MAP2K3: variants seen among roughly 807,000 people sequenced by gnomAD.
MAP2K3 encodes the protein dual specificity mitogen-activated protein kinase kinase 3.
In MAP2K3, 30 loss-of-function variants were observed where a neutral mutation model predicts 46.4. The ratio of observed to expected loss-of-function variants is 0.65; its 90% CI spans 0.48 to 0.88. The LOEUF is 0.88. Ranked by LOEUF, MAP2K3 falls within the 40% of genes least tolerant of loss-of-function variation. The pLI is 0.00. For synonymous variants in MAP2K3, 189 were observed against 176.3 expected, an observed-to-expected ratio of 1.07 and a Z score of -0.57; for missense variants, 380 against 464.5, an observed-to-expected ratio of 0.82 and a Z score of 1.67.
At chr17:21,291,679 C>A (rs904103401) in intron 1 of MAP2K3, 4 of 431,240 alleles carry the variant, frequency 9.3e-6, no homozygotes, top group South Asian at 4.9e-5. Context: ...AGAGTCCCAC[C>A]GATCTGACCC....
intron 1 of MAP2K3, chr17:21,295,561 T>C (rs1288653513): frequency 8.0e-7 from 1 of 1,249,966 alleles, no homozygotes. Context: ...TGCAGCAGCC[T>C]GAGGCCTGTT....
rs868509087 is a variant in MAP2K3, at chr17:21,314,416, G to T, written c.*186G>T. On this transcript the variant is annotated 3_prime_UTR_variant, in exon 12 of 12. Coordinates refer to ENST00000342679, the MANE Select transcript of MAP2K3 (RefSeq NM_145109.3). Reference sequence around the variant, plus strand: ...CCAAGTGCCAAAGAAGCAGACCATTGGGGCTCCCAGCCAGGCCCTTGTCGG... The same window carrying T: ...CCAAGTGCCAAAGAAGCAGACCATTTGGGCTCCCAGCCAGGCCCTTGTCGG... 1.7e-6 allele frequency: 1 copy of T among 606,040 alleles called. No individual in the cohort carries two copies. The highest frequency in any genetic ancestry group is 1.9e-5 in the South Asian group (1 of 52,676). 37.5% of individuals were successfully genotyped at this position (606,040 alleles called of 1,614,324 possible). A position where few individuals can be genotyped will look rare whatever the true frequency, so the allele number is the denominator to read the frequency against.
chr17:21,295,034 C>A (rs1976161065), intron 1 of MAP2K3, among the ~76,000 whole-genome samples: 1 of 152,310 alleles, frequency 6.6e-6, no homozygotes, highest in Non-Finnish European at 1.5e-5. Flanking sequence ...GAGAGCCGGT[C>A]ACTGGGGCCT....
chr17:21,302,037 C>A, intron 5 of MAP2K3, 106 bp from the exon 6 acceptor site: 1 of 953,464 alleles, frequency 1.0e-6, no homozygotes, highest in Non-Finnish European at 1.6e-6. Context: ...GGTGGGCACA[C>A]GTCGGAGAGG....
chr17:21,287,187 A>T (rs1975746093), intron 1 of MAP2K3, among the ~76,000 whole-genome samples: 1 of 152,200 alleles, frequency 6.6e-6, no homozygotes, highest in African/African-American at 2.4e-5. Context: ...TGCTCAGAGC[A>T]TGTGCAGTGG....
intron 6 of MAP2K3, 35 bp downstream of exon 6, chr17:21,302,294 G>C (rs2305871): frequency 0.18 from 271,401 of 1,517,226 alleles, 4,226 homozygotes; most frequent in South Asian, 0.24. Context: ...GGGGGTCCTA[G>C]GTGCATAGGC....
chr17:21,303,315 A>G, intron 7 of MAP2K3, 81 bp downstream of exon 7: 1 of 1,591,958 alleles, frequency 6.3e-7, no homozygotes, highest in East Asian at 2.3e-5. Flanking sequence ...TCTCCCTATG[A>G]GCAACTGTGG....
rs887708300 is a variant in MAP2K3 at position 21,315,091 on chromosome 17, G to A, written c.*861G>A. ...TCTCCCTGAGGACTGGCTTGACAGG[G>A]GCTATGGGTTTGCTTTGGTGTTGTT... On this transcript the variant is annotated 3_prime_UTR_variant, in exon 12 of 12. Coordinates refer to ENST00000342679, the MANE Select transcript of MAP2K3 (RefSeq NM_145109.3). 8 of 152,470 alleles carry A rather than the reference G, an allele frequency of 5.2e-5. No homozygotes were observed. Among genetic ancestry groups the A allele is most frequent in the African/African-American group, 1.7e-4 (7 of 41,406 alleles). The allele number at this position is 152,470 out of a possible 1,614,324, so 9.4% of individuals were successfully genotyped here.
In MAP2K3 at chr17:21,315,009, G is replaced by A. The variant is rs539605780; in HGVS notation, c.*779G>A. ...TGCCCTCTGCTCAGGCTGGGGTCCA[G>A]TGGGAGGGGCCCAAGATCTCTGCTC... On this transcript the variant is annotated 3_prime_UTR_variant, in exon 12 of 12. Coordinates refer to ENST00000342679, the MANE Select transcript of MAP2K3 (RefSeq NM_145109.3). The A allele has an allele frequency of 6.5e-6, 1 of 152,844 alleles. No homozygotes were observed. Among genetic ancestry groups the A allele is most frequent in the African/African-American group, 2.4e-5 (1 of 41,564 alleles). 9.5% of individuals were successfully genotyped at this position (152,844 alleles called of 1,614,324 possible). A position where few individuals can be genotyped will look rare whatever the true frequency, so the allele number is the denominator to read the frequency against.
At chr17:21,308,452 G>A (rs1977007545) in intron 9 of MAP2K3, among the ~76,000 whole-genome samples, 1 of 152,420 alleles carries the variant, frequency 6.6e-6, no homozygotes, top group East Asian at 1.9e-4. Flanking sequence ...CCAGCCTTGA[G>A]CCACTGCGCC....
intron 1 of MAP2K3, among the ~76,000 whole-genome samples, chr17:21,290,678 T>C (rs1039489359): frequency 1.3e-5 from 2 of 152,306 alleles, no homozygotes; most frequent in Non-Finnish European, 2.9e-5. Context: ...CTTTGTAAGA[T>C]TTTAATAGTA....
At chr17:21,296,862 G>A (rs1476094856) in intron 1 of MAP2K3, among the ~76,000 whole-genome samples, 1 of 152,312 alleles carries the variant, frequency 6.6e-6, no homozygotes, top group African/African-American at 2.4e-5. Context: ...TTCATGGGGT[G>A]AGCAGTTAGC....
intron 1 of MAP2K3, among the ~76,000 whole-genome samples, chr17:21,286,466 G>A (rs890094412): frequency 1.3e-5 from 2 of 152,228 alleles, no homozygotes; most frequent in East Asian, 3.9e-4. Context: ...CGGGTGGGCT[G>A]GATAATTATG....
rs1976767528 is a variant in MAP2K3, at chr17:21,304,304, G to T, written c.569-122G>T. On this transcript the variant is annotated intron_variant, in intron 7 of 11. Transcript: ENST00000342679. ...GGACCCTGGTGCAACCTGCCCACTGGGGCATGGGAGGGGGCACAGGAGGGG... is the reference window on the plus strand; with the variant it reads ...GGACCCTGGTGCAACCTGCCCACTGTGGCATGGGAGGGGGCACAGGAGGGG... 3 of 1,555,400 alleles carry T rather than the reference G, an allele frequency of 1.9e-6. No homozygotes were observed. In the East Asian group the frequency reaches 6.7e-5, roughly 35 times the overall value.
Position 21,300,754 on chromosome 17 carries a change from C to G in MAP2K3, c.279+96C>G, listed in dbSNP as rs527866661. On this transcript the variant is annotated intron_variant, in intron 4 of 11. Coordinates refer to ENST00000342679, the MANE Select transcript of MAP2K3 (RefSeq NM_145109.3). ...GCCTATCCCTCTCAGTGATCAGTACCGAGGCTAGGCTTTTTGGGGCACACT... is the reference window on the plus strand; with the variant it reads ...GCCTATCCCTCTCAGTGATCAGTACGGAGGCTAGGCTTTTTGGGGCACACT... 93 of 1,605,746 alleles carry G rather than the reference C, an allele frequency of 5.8e-5. No individual in the cohort carries two copies. The South Asian group carries it at 8.4e-4, about 15-fold the overall frequency.
intron 5 of MAP2K3, among the ~76,000 whole-genome samples, chr17:21,301,651 G>A (rs1976607263): frequency 6.6e-6 from 1 of 152,310 alleles, no homozygotes; most frequent in Admixed American, 6.5e-5. Flanking sequence ...CCTAGCCGAT[G>A]GGGCCCCTGC....
intron 1 of MAP2K3, among the ~76,000 whole-genome samples, chr17:21,296,651 A>T (rs1976269063): frequency 6.6e-6 from 1 of 152,308 alleles, no homozygotes; most frequent in Non-Finnish European, 1.5e-5. Flanking sequence ...CTGTTCCCCA[A>T]GTAAAGTGAG....
intron 6 of MAP2K3, 89 bp downstream of exon 6, chr17:21,302,348 G>C (rs1976656371): frequency 7.0e-7 from 1 of 1,432,898 alleles, no homozygotes; most frequent in Non-Finnish European, 9.8e-7. Context: ...GCCTATTGAT[G>C]GTGTCTTGGG....
intron 1 of MAP2K3, 22 bp from the exon 2 acceptor site, chr17:21,298,391 C>A (rs761996140): frequency 3.1e-6 from 5 of 1,614,190 alleles, no homozygotes; most frequent in Non-Finnish European, 4.2e-6. Flanking sequence ...AGGCCAGACG[C>A]CTCACCTTCT....
Sources: gnomAD v4.1 joint callset for allele counts (sites outside exome capture counted in the v4.1 genomes callset) on GRCh38, gnomAD v4.1.1 for gene constraint, MANE v1.5 for transcripts, NCBI Gene and HGNC (gene_info 2026-07-23, HGNC 2026-07-21) for gene names.